The following MAD1L1 variants were observed in gnomAD, a reference collection of about 807,000 sequenced individuals.
MAD1L1 encodes mitotic arrest deficient 1 like 1, also known as mitotic spindle assembly checkpoint protein MAD1.
In MAD1L1, 95 loss-of-function variants were observed where a neutral mutation model predicts 96.9. The ratio of observed to expected loss-of-function variants is 0.98; its 90% CI spans 0.83 to 1.16. MAD1L1 has a LOEUF of 1.16. Ranked by LOEUF, MAD1L1 falls within the 50% of genes most tolerant of loss-of-function variation. MAD1L1 has a pLI of 0.00. For synonymous variants in MAD1L1, 473 were observed against 396.6 expected (o/e 1.19, Z -2.29); for missense variants, 1,007 against 954.4 (o/e 1.06, Z -0.73).
At chr7:2,086,307 G>A (rs3800895) in intron 11 of MAD1L1, among the ~76,000 whole-genome samples, 41,853 of 152,196 alleles carry the variant, frequency 0.27, 5,870 homozygotes, top group Middle Eastern at 0.39. Flanking sequence ...ACGCATCACT[G>A]AAGCACAGGC....
chr7:1,944,399 G>A (rs532896191), intron 16 of MAD1L1, among the ~76,000 whole-genome samples: 4 of 152,280 alleles, frequency 2.6e-5, no homozygotes, highest in Admixed American at 2.0e-4. Context: ...TAGAAATGGC[G>A]GGCCGGGTGG....
At chr7:1,975,204 T>C (rs1311192290) in intron 15 of MAD1L1, among the ~76,000 whole-genome samples, 1 of 152,110 alleles carries the variant, frequency 6.6e-6, no homozygotes, top group East Asian at 1.9e-4. Context: ...CCACAAAGGC[T>C]CCCCAGGTCC....
intron 14 of MAD1L1, among the ~76,000 whole-genome samples, chr7:1,985,539 T>G (rs1781101138): frequency 6.6e-6 from 1 of 152,228 alleles, no homozygotes; most frequent in African/African-American, 2.4e-5. Flanking sequence ...TCTCCCCACC[T>G]GATACTACCT....
chr7:2,101,119 T>C (rs1404133284), intron 11 of MAD1L1, among the ~76,000 whole-genome samples: 1 of 152,170 alleles, frequency 6.6e-6, no homozygotes, highest in Non-Finnish European at 1.5e-5. Flanking sequence ...TTGCTCCCCT[T>C]CAATGGGAAA....
intron 18 of MAD1L1, among the ~76,000 whole-genome samples, chr7:1,821,328 A>C (rs1034767712): frequency 2.2e-4 from 34 of 152,106 alleles, no homozygotes; most frequent in African/African-American, 8.2e-4. Context: ...GCTACTCAAA[A>C]TCTCCAGTCC....
At chr7:1,939,284 G>A (rs1285251611) in intron 16 of MAD1L1, among the ~76,000 whole-genome samples, 2 of 150,720 alleles carry the variant, frequency 1.3e-5, no homozygotes, top group African/African-American at 2.4e-5. Flanking sequence ...ACATGGGCCA[G>A]GGCCGGGGCC....
chr7:2,215,250 C>T (rs1221805696), intron 9 of MAD1L1, among the ~76,000 whole-genome samples: 6 of 151,818 alleles, frequency 4.0e-5, no homozygotes, highest in Non-Finnish European at 7.4e-5. Flanking sequence ...TGGTGGCGCA[C>T]GCCTGTAGTC....
intron 3 of MAD1L1, 26 bp downstream of exon 3, chr7:2,229,958 C>T: frequency 6.2e-7 from 1 of 1,610,452 alleles, no homozygotes; most frequent in Non-Finnish European, 8.5e-7. Context: ...CCAGAGCAGA[C>T]TCCCACCCAG....
At chr7:2,229,666 C>T (rs1461747841) in intron 3 of MAD1L1, among the ~76,000 whole-genome samples, 4 of 152,170 alleles carry the variant, frequency 2.6e-5, no homozygotes, top group African/African-American at 9.7e-5. Flanking sequence ...GGGTTCTGTC[C>T]TCAATTAGAT....
chr7:1,898,103 C>A, intron 18 of MAD1L1, 97 bp downstream of exon 18: 2 of 1,301,286 alleles, frequency 1.5e-6, no homozygotes, highest in African/African-American at 1.5e-5. Flanking sequence ...CCCCTTTGGA[C>A]GCGAGGCTGC....
chr7:1,892,771 C>A (rs1786629046), intron 18 of MAD1L1, among the ~76,000 whole-genome samples: 1 of 152,242 alleles, frequency 6.6e-6, no homozygotes, highest in African/African-American at 2.4e-5. Flanking sequence ...CTGCAGGCCT[C>A]TGAGCCGGGG....
intron 14 of MAD1L1, among the ~76,000 whole-genome samples, chr7:1,988,964 C>T (rs1371205578): frequency 6.6e-6 from 1 of 152,246 alleles, no homozygotes; most frequent in Non-Finnish European, 1.5e-5. Context: ...AGACTGAGAG[C>T]CCTTCCTGGG....
At chr7:1,997,838 T>G (rs550529292) in intron 14 of MAD1L1, among the ~76,000 whole-genome samples, 8 of 152,280 alleles carry the variant, frequency 5.3e-5, no homozygotes, top group African/African-American at 1.7e-4. Flanking sequence ...GGGCTTTGCA[T>G]GGCAAGAGGG....
intron 10 of MAD1L1, among the ~76,000 whole-genome samples, chr7:2,150,570 C>T (rs1789524940): frequency 1.3e-5 from 2 of 152,228 alleles, no homozygotes; most frequent in African/African-American, 2.4e-5. Flanking sequence ...GCCACCCCCA[C>T]GCCCCTCGCC....
At chr7:1,911,224 C>T (rs1456958662) in intron 17 of MAD1L1, among the ~76,000 whole-genome samples, 3 of 152,282 alleles carry the variant, frequency 2.0e-5, no homozygotes, top group East Asian at 3.9e-4. Flanking sequence ...GGTTTCAACG[C>T]TCTGTCCTCA....
chr7:1,831,165 G>C (rs1177997045), intron 18 of MAD1L1, among the ~76,000 whole-genome samples: 1 of 152,236 alleles, frequency 6.6e-6, no homozygotes, highest in Non-Finnish European at 1.5e-5. Flanking sequence ...GTCTGTGTCT[G>C]GCAAGTCTAT....
intron 18 of MAD1L1, among the ~76,000 whole-genome samples, chr7:1,818,930 G>T (rs1366470003): frequency 6.6e-6 from 1 of 152,060 alleles, no homozygotes; most frequent in Non-Finnish European, 1.5e-5. Context: ...CCCACACGAA[G>T]GCAGACCCAG....
At chr7:1,947,712 G>A (rs1020224053) in intron 16 of MAD1L1, among the ~76,000 whole-genome samples, 5 of 152,148 alleles carry the variant, frequency 3.3e-5, no homozygotes, top group South Asian at 4.1e-4. Context: ...TGCCGCACAC[G>A]GCTGGGTTGT....
At chr7:2,217,804 G>T (rs1056537041) in intron 7 of MAD1L1, among the ~76,000 whole-genome samples, 158 bp downstream of exon 7, 1 of 152,186 alleles carries the variant, frequency 6.6e-6, no homozygotes, top group Non-Finnish European at 1.5e-5. Flanking sequence ...ATTCACCATG[G>T]CATCCCTGGT....
Sources: gnomAD v4.1 joint callset for allele counts (sites outside exome capture counted in the v4.1 genomes callset) on GRCh38, gnomAD v4.1.1 for gene constraint, MANE v1.5 for transcripts, NCBI Gene and HGNC (gene_info 2026-07-23, HGNC 2026-07-21) for gene names.